PDE3A: variants seen among roughly 807,000 people sequenced by gnomAD.
PDE3A encodes the protein cGMP-inhibited 3',5'-cyclic phosphodiesterase 3A.
In PDE3A, 43 loss-of-function variants were observed where a neutral mutation model predicts 98.3. That is an observed-to-expected ratio of 0.44 (90% CI 0.34 to 0.56). The LOEUF is 0.56. PDE3A is among the 20% of genes least tolerant of loss of function. PDE3A has a pLI of 0.01. For synonymous variants in PDE3A, 663 were observed against 567.9 expected (o/e 1.17, Z -2.38); for missense variants, 1,427 against 1,440.7 (o/e 0.99, Z 0.15).
At position 20,686,336 on chromosome 12, in the gene PDE3A, T is replaced by G. The variant is rs1945960758; in HGVS notation, c.*6065T>G. Among the ~76,000 whole-genome samples the G allele has an allele frequency of 6.6e-6, 1 of 152,156 alleles. No individual in the cohort carries two copies. The highest frequency in any genetic ancestry group is 2.4e-5 in the African/African-American group (1 of 41,450). On this transcript the variant is annotated 3_prime_UTR_variant, in exon 16 of 16. Transcript: ENST00000359062. The stretch of plus-strand genomic sequence containing the variant: ...TGTTGTTATAAAATAAATGTTCTAT[T>G]AATGTATATTTTATTTTACTAAGTT...
intron 1 of PDE3A, among the ~76,000 whole-genome samples, chr12:20,517,664 A>T (rs979245829): frequency 6.6e-5 from 10 of 152,096 alleles, no homozygotes; most frequent in Admixed American, 3.3e-4. Context: ...CTGAAGTGGG[A>T]TCCCTGGGTT....
At chr12:20,557,739 T>G (rs1942406085) in intron 2 of PDE3A, among the ~76,000 whole-genome samples, 1 of 152,166 alleles carries the variant, frequency 6.6e-6, no homozygotes, top group Non-Finnish European at 1.5e-5. Context: ...CTGATTTTAT[T>G]TCTGTCCAGT....
intron 2 of PDE3A, among the ~76,000 whole-genome samples, chr12:20,580,800 C>A (rs1943043862): frequency 6.6e-6 from 1 of 152,192 alleles, no homozygotes; most frequent in Non-Finnish European, 1.5e-5. Context: ...CCCCTCTGCA[C>A]ACTCGCATGT....
At chr12:20,560,036 T>G (rs1284847604) in intron 2 of PDE3A, among the ~76,000 whole-genome samples, 1 of 152,114 alleles carries the variant, frequency 6.6e-6, no homozygotes, top group African/African-American at 2.4e-5. Flanking sequence ...AACTGAGTAC[T>G]CTAAGAATTA....
chr12:20,526,455 T>C (rs921675581), intron 1 of PDE3A, among the ~76,000 whole-genome samples: 1 of 152,172 alleles, frequency 6.6e-6, no homozygotes, highest in Non-Finnish European at 1.5e-5. Context: ...AAATCAAATT[T>C]TTTTAAAAAA....
In PDE3A at chr12:20,460,359, A is replaced by G. The variant is rs1464224723; in HGVS notation, c.960+90115A>G. On this transcript the variant is annotated intron_variant, in intron 1 of 15. Transcript: ENST00000359062. ...GCTTGTTTTAATAACCTGCAAGTAA[A>G]TAATCCACAATAATGTCAATTCATT... 3.3e-5 allele frequency among the ~76,000 whole-genome samples: 5 copies of G among 152,224 alleles called. No individual in the cohort carries two copies. The East Asian group carries it at 9.6e-4, about 29-fold the overall frequency.
At chr12:20,496,674 C>T (rs374100857) in intron 1 of PDE3A, among the ~76,000 whole-genome samples, 1 of 152,142 alleles carries the variant, frequency 6.6e-6, no homozygotes, top group East Asian at 1.9e-4. Context: ...TGCCTGACTT[C>T]AGGGTTTAAG....
At chr12:20,427,448 T>A (rs963315664) in intron 1 of PDE3A, among the ~76,000 whole-genome samples, 2 of 152,220 alleles carry the variant, frequency 1.3e-5, no homozygotes, top group African/African-American at 4.8e-5. Context: ...AGGCATGTTT[T>A]TCTTTCCATA....
chr12:20,508,699 A>G (rs1946162464), intron 1 of PDE3A, among the ~76,000 whole-genome samples: 1 of 151,994 alleles, frequency 6.6e-6, no homozygotes, highest in Admixed American at 6.6e-5. Context: ...TTGCAATTGT[A>G]CTACCTGGGA....
chr12:20,543,406 C>T (rs1396338741), intron 1 of PDE3A, among the ~76,000 whole-genome samples: 4 of 151,862 alleles, frequency 2.6e-5, no homozygotes, highest in Non-Finnish European at 5.9e-5. Context: ...TCTTTTCAAA[C>T]GTTTGCTATT....
At chr12:20,431,736 G>A (rs561670825) in intron 1 of PDE3A, among the ~76,000 whole-genome samples, 63 of 152,038 alleles carry the variant, frequency 4.1e-4, no homozygotes, top group Non-Finnish European at 7.9e-4. Context: ...TCAATTATTT[G>A]AAATTAATTT....
chr12:20,584,601 A>G (rs1943148369), intron 2 of PDE3A, among the ~76,000 whole-genome samples: 1 of 152,194 alleles, frequency 6.6e-6, no homozygotes, highest in East Asian at 1.9e-4. Context: ...AAAATTGACT[A>G]TAAGACTGCT....
chr12:20,651,485 T>C (rs1944913804), intron 14 of PDE3A, among the ~76,000 whole-genome samples: 1 of 152,190 alleles, frequency 6.6e-6, no homozygotes, highest in African/African-American at 2.4e-5. Flanking sequence ...TTAAAGAAGA[T>C]AAATTATATA....
chr12:20,446,140 A>G (rs772685067), intron 1 of PDE3A, among the ~76,000 whole-genome samples: 2 of 152,182 alleles, frequency 1.3e-5, no homozygotes, highest in East Asian at 3.9e-4. Context: ...CTTCCCATCC[A>G]AAGCAAAACT....
At chr12:20,615,834 T>C (rs1429049435) in intron 3 of PDE3A, among the ~76,000 whole-genome samples, 10 of 152,144 alleles carry the variant, frequency 6.6e-5, no homozygotes, top group African/African-American at 2.4e-4. Context: ...CAAGTGACTC[T>C]CCTGCCTCAG....
intron 15 of PDE3A, among the ~76,000 whole-genome samples, chr12:20,663,507 C>G (rs1592160369): frequency 6.6e-6 from 1 of 152,176 alleles, no homozygotes; most frequent in African/African-American, 2.4e-5. Flanking sequence ...TGTGGGAGCA[C>G]ACCTCTTGCA....
At chr12:20,634,859 C>G in intron 7 of PDE3A, 43 bp from the exon 8 acceptor site, 1 of 1,499,486 alleles carries the variant, frequency 6.7e-7, no homozygotes. Context: ...GCCCCCTTTC[C>G]CCATTGTAGA....
chr12:20,609,952 G>A (rs988303890), intron 2 of PDE3A, among the ~76,000 whole-genome samples: 2 of 150,008 alleles, frequency 1.3e-5, no homozygotes, highest in East Asian at 3.9e-4. Context: ...TTATAGAAGA[G>A]AACATGGGGG....
chr12:20,434,868 G>A (rs1011434338), intron 1 of PDE3A, among the ~76,000 whole-genome samples: 46 of 152,112 alleles, frequency 3.0e-4, no homozygotes, highest in African/African-American at 1.1e-3. Flanking sequence ...TTTAGTTTGG[G>A]AAGAGCAAAA....
Sources: allele counts gnomAD v4.1 joint callset (sites outside exome capture counted in the v4.1 genomes callset), GRCh38; gene constraint gnomAD v4.1.1; transcripts MANE v1.5; gene names NCBI Gene and HGNC (gene_info 2026-07-23, HGNC 2026-07-21).